Variants in BTK observed in about 807,000 individuals in gnomAD.
BTK encodes the protein tyrosine-protein kinase BTK.
In BTK, 5 loss-of-function variants were observed where a neutral mutation model predicts 57.4. The observed-to-expected ratio is 0.09, with a 90% CI of 0.05 to 0.18. BTK has a LOEUF of 0.18. BTK is among the 10% of genes least tolerant of loss of function. The probability of loss-of-function intolerance (pLI) is 1.00; values close to 1 mark genes in which losing one functional copy is unlikely to be tolerated. For missense variants in BTK, 194 were observed against 501.2 expected (o/e 0.39, Z 5.85); for synonymous variants, 154 against 174.3 (o/e 0.88, Z 0.92).
intron 5 of BTK, among the ~76,000 whole-genome samples, chrX:101,366,611 G>C (rs782308161): frequency 8.9e-6 from 1 of 112,165 alleles, no homozygotes; most frequent in Non-Finnish European, 1.9e-5. Context: ...ACCTGGGACT[G>C]TCCTGGGATT....
Position 101,370,089 on chromosome X carries a change from T to A in BTK, c.310-10A>T. On this transcript the variant is annotated splice_polypyrimidine_tract_variant and intron_variant, in intron 4 of 18. Coordinates refer to ENST00000308731, the MANE Select transcript of BTK (RefSeq NM_000061.3). ...CTTCATCATATACAACCTGGGTCGATGAAAACACAGACTTCAGCAGTTAGG... is the reference window on the plus strand; with the variant it reads ...CTTCATCATATACAACCTGGGTCGAAGAAAACACAGACTTCAGCAGTTAGG... The A allele has an allele frequency of 8.4e-7, 1 of 1,185,789 alleles. No homozygotes were observed. The highest frequency in any genetic ancestry group is 1.1e-6 in the Non-Finnish European group (1 of 871,905).
At chrX:101,390,050 A>G (rs1555982973), upstream of BTK, among the ~76,000 whole-genome samples, 1 of 112,011 alleles carries the variant, frequency 8.9e-6, no homozygotes, top group East Asian at 2.8e-4. Context: ...TTGGGTTTGT[A>G]TCCTAGATTC....
rs367613946 is a variant in BTK, at chrX:101,354,343, T to C, written c.1631+287A>G. On this transcript the variant is annotated intron_variant, in intron 16 of 18. Transcript: ENST00000308731. ...GATTAAGAAAGAAGGAGGAATGGAGTAAAGTCATCAGGATTAATAGATCAA... is the reference window on the plus strand; with the variant it reads ...GATTAAGAAAGAAGGAGGAATGGAGCAAAGTCATCAGGATTAATAGATCAA... 84 of 411,886 alleles carry C rather than the reference T, an allele frequency of 2.0e-4. 3 individuals are homozygous for C. The highest frequency in any genetic ancestry group is 1.7e-3 in the East Asian group (43 of 24,678). 33.9% of individuals were successfully genotyped at this position (411,886 alleles called of 1,213,427 possible).
intron 14 of BTK, 62 bp downstream of exon 14, chrX:101,356,719 GGTT>G (rs1926497151): frequency 8.6e-7 from 1 of 1,164,544 alleles, no homozygotes; most frequent in African/African-American, 1.8e-5. Flanking sequence ...AGCCTCAGTG[GGTT>G]GTTGTGTGAA....
At chrX:101,365,613 T>C (rs1413689186) in intron 5 of BTK, among the ~76,000 whole-genome samples, 7 of 112,517 alleles carry the variant, frequency 6.2e-5, no homozygotes, top group African/African-American at 2.3e-4. Context: ...CTCCAAGCAC[T>C]TGATGGGCTG....
At chrX:101,357,218 G>A (rs782502263) in intron 13 of BTK, among the ~76,000 whole-genome samples, 1 of 111,731 alleles carries the variant, frequency 9.0e-6, no homozygotes, top group Admixed American at 9.5e-5. Context: ...GTTAGTGATG[G>A]TAGTTAATGA....
chrX:101,377,552 G>T (rs1555981215), intron 1 of BTK, among the ~76,000 whole-genome samples: 1 of 111,276 alleles, frequency 9.0e-6, no homozygotes, highest in African/African-American at 3.3e-5. Flanking sequence ...GCTCTTGGTG[G>T]ATACATTCCC....
Position 101,371,693 on chromosome X carries a change from A to G in BTK, c.249T>C (p.Gly83=). The G allele has an allele frequency of 8.3e-7, 1 of 1,204,241 alleles. No homozygotes were observed. The highest frequency in any genetic ancestry group is 1.1e-6 in the Non-Finnish European group (1 of 889,162). ...PPPERQIPRR[G]EESSEMEQIS... ...TTTGCTCCATTTCACTGGACTCTTC[A>G]CCTCTTCTCTGTAATGAAATAAGAA... Residue 83 remains glycine, a synonymous_variant, in exon 4 of 19, where the codon GGT becomes GGC. Transcript: ENST00000308731.
chrX:101,367,637 A>AAAATAAAT (rs60295371), intron 5 of BTK, among the ~76,000 whole-genome samples: 49 of 102,218 alleles, frequency 4.8e-4, no homozygotes, highest in Middle Eastern at 4.8e-3. Context: ...ACTCCATCTC[A>AAAATAAAT]AAATAAATAA....
chrX:101,364,758 T>C (rs1176350928), intron 5 of BTK, among the ~76,000 whole-genome samples: 2 of 110,065 alleles, frequency 1.8e-5, no homozygotes, highest in Non-Finnish European at 3.8e-5. Context: ...TTTTTTTTTT[T>C]TGAGACAGTG....
intron 1 of BTK, among the ~76,000 whole-genome samples, chrX:101,377,670 G>A (rs781944186): frequency 7.2e-5 from 8 of 111,255 alleles, no homozygotes; most frequent in Non-Finnish European, 1.5e-4. Flanking sequence ...AACAAATCCA[G>A]TTTGTACAAG....
At chrX:101,362,409 T>C (rs1187743580) in intron 6 of BTK, 152 bp downstream of exon 6, 1 of 989,517 alleles carries the variant, frequency 1.0e-6, no homozygotes, top group Non-Finnish European at 1.4e-6. Flanking sequence ...CAGCTGGATT[T>C]CAGCCCCCAT....
chrX:101,381,767 T>A (rs112205508), intron 1 of BTK, among the ~76,000 whole-genome samples: 13,466 of 110,621 alleles, frequency 0.12, 795 homozygotes, highest in South Asian at 0.27. Flanking sequence ...TGGTAGCTCA[T>A]GCCTGTAATC....
chrX:101,378,258 AT>A (rs1927282288), intron 1 of BTK, among the ~76,000 whole-genome samples: 10 of 109,890 alleles, frequency 9.1e-5, no homozygotes, highest in East Asian at 8.6e-4. Flanking sequence ...TAATTTTTGT[AT>A]TTTTAGTAGA....
chrX:101,369,544 C>T (rs782532004), intron 5 of BTK, among the ~76,000 whole-genome samples: 2 of 111,614 alleles, frequency 1.8e-5, no homozygotes, highest in Non-Finnish European at 3.8e-5. Flanking sequence ...CCACACCACC[C>T]TTGTATTCAG....
At chrX:101,358,955 T>C (rs1926573108) in intron 10 of BTK, among the ~76,000 whole-genome samples, 2 of 110,887 alleles carry the variant, frequency 1.8e-5, no homozygotes, top group Non-Finnish European at 3.8e-5. Context: ...CTGGCCAACA[T>C]GGTGAAACCC....
chrX:101,356,574 C>T lies in BTK; in HGVS notation c.1349+210G>A, dbSNP rs1437265753. ...ACCCCCAAATGCTACTGAGATGGTA[C>T]ACACCCATGATCACCACTATTCTCA... On this transcript the variant is annotated intron_variant, in intron 14 of 18. Coordinates refer to ENST00000308731, the MANE Select transcript of BTK (RefSeq NM_000061.3). 19 of 467,395 alleles carry T rather than the reference C, an allele frequency of 4.1e-5. 1 individual carries two copies. The Admixed American group carries it at 6.8e-4, about 17-fold the overall frequency. The allele number at this position is 467,395 out of a possible 1,213,427, so 38.5% of individuals were successfully genotyped here.
chrX:101,357,472 G>A, intron 13 of BTK, 37 bp downstream of exon 13: 1 of 1,174,575 alleles, frequency 8.5e-7, no homozygotes, highest in Non-Finnish European at 1.2e-6. Flanking sequence ...TTTTGCAACT[G>A]GCCAGTCCAC....
In BTK at chrX:101,353,976, A is replaced by G; in HGVS notation, c.1644T>C (p.Asp548=). The G allele has an allele frequency of 8.4e-7, 1 of 1,194,599 alleles. No individual in the cohort carries two copies. Among genetic ancestry groups the G allele is most frequent in the Non-Finnish European group, 1.1e-6 (1 of 879,650 alleles). ...AGCCTACTGAGCTTGTGTATTCATC[A>G]TCCAGGACATACCTGCAAGGGATTC... is the stretch of plus-strand genomic sequence containing the variant. The part of the protein sequence containing the change: ...SDFGLSRYVL[D]DEYTSSVGSK... The change falls in exon 17 of 19, where the codon GAT becomes GAC. Residue 548 remains aspartate (D), a synonymous_variant. Coordinates refer to ENST00000308731, the MANE Select transcript of BTK (RefSeq NM_000061.3).
Sources: gnomAD v4.1 joint callset for allele counts (sites outside exome capture counted in the v4.1 genomes callset) on GRCh38, gnomAD v4.1.1 for gene constraint, MANE v1.5 for transcripts, NCBI Gene and HGNC (gene_info 2026-07-23, HGNC 2026-07-21) for gene names.